Variants in LATS1 observed in about 807,000 individuals in gnomAD.
LATS1 encodes serine/threonine-protein kinase LATS1.
In LATS1, 25 loss-of-function variants were observed where a neutral mutation model predicts 106.6. That is an observed-to-expected ratio of 0.23 (90% confidence interval 0.17 to 0.33). The LOEUF is 0.33. Among genes scored for constraint, LATS1 ranks in the 10% least tolerant of loss-of-function variants. The pLI, the probability that LATS1 is intolerant of heterozygous loss-of-function variation, is 1.00. For missense variants in LATS1, 1,040 were observed against 1,382.6 expected (o/e 0.75, Z 3.93); for synonymous variants, 465 against 455.6 (o/e 1.02, Z -0.26).
intron 5 of LATS1, 145 bp from the exon 6 acceptor site, chr6:149,676,882 G>T: frequency 1.5e-6 from 1 of 671,798 alleles, no homozygotes; most frequent in South Asian, 2.3e-5. Context: ...AATCACTGAT[G>T]GTGTTTATTA....
In LATS1 at chr6:149,661,960, T is replaced by C; in HGVS notation, c.3162A>G (p.Glu1054=). ...CATTGAGAGTGTCATTTACATTTTC[T>C]TCCTCGTTATCATCACTCCATAATT... ...PDKLWSDDNE[E]ENVNDTLNGW... is the part of the protein sequence containing the mutation. Residue 1054 remains glutamate (E), a synonymous_variant, in exon 8 of 8, where the codon GAA becomes GAG. Transcript: ENST00000543571. The C allele has an allele frequency of 5.6e-6, 9 of 1,614,134 alleles. No individual in the cohort carries two copies. The highest frequency in any genetic ancestry group is 6.8e-6 in the Non-Finnish European group (8 of 1,179,992).
chr6:149,689,998 C>A (rs897398179), intron 3 of LATS1, among the ~76,000 whole-genome samples: 3 of 151,542 alleles, frequency 2.0e-5, no homozygotes, highest in Admixed American at 1.3e-4. Flanking sequence ...GACTCTCCTT[C>A]CACTCCCATA....
intron 3 of LATS1, among the ~76,000 whole-genome samples, chr6:149,692,846 G>T (rs1782843901): frequency 6.6e-6 from 1 of 151,804 alleles, no homozygotes; most frequent in South Asian, 2.1e-4. Context: ...AGCTAATTTT[G>T]TATTTTTAGT....
chr6:149,701,897 G>A lies in LATS1; in HGVS notation c.230C>T (p.Ala77Val). 1 of 1,614,112 alleles carries A rather than the reference G, an allele frequency of 6.2e-7. No homozygotes were observed. Among genetic ancestry groups the A allele is most frequent in the Non-Finnish European group, 8.5e-7 (1 of 1,179,980 alleles). ...CAGAGAGTTTCGAATTTCCTGCAAG[G>A]CTTTATGATGCGTCCCAAATTTGGG... ...NPPKFGTHHK[A>V]LQEIRNSLLP... Residue 77 changes from alanine to valine, a missense_variant, in exon 2 of 8, where the codon GCC (alanine) becomes GTC (valine). Transcript: ENST00000543571.
chr6:149,678,155 C>G (rs889371616), intron 5 of LATS1, among the ~76,000 whole-genome samples: 2 of 35,590 alleles, frequency 5.6e-5, no homozygotes, highest in African/African-American at 1.9e-4. Flanking sequence ...CTGGTCTCTA[C>G]TAAAAATCCA....
chr6:149,659,621 T>C lies in LATS1; in HGVS notation c.*2108A>G, dbSNP rs1003070468. On this transcript the variant is annotated 3_prime_UTR_variant, in exon 8 of 8. Coordinates refer to ENST00000543571, the MANE Select transcript of LATS1 (RefSeq NM_004690.4). ...TATCTTCTACTGTATTGCACCTTAG[T>C]CCAAAAGTAAAACAACTAAATGAAA... 6 of 229,778 alleles carry C rather than the reference T, an allele frequency of 2.6e-5. No homozygotes were observed. Among genetic ancestry groups the C allele is most frequent in the East Asian group, 1.2e-4 (2 of 16,132 alleles). 14.2% of individuals were successfully genotyped at this position (229,778 alleles called of 1,614,324 possible). A position where few individuals can be genotyped will look rare whatever the true frequency, so the allele number is the denominator to read the frequency against.
intron 2 of LATS1, among the ~76,000 whole-genome samples, chr6:149,699,646 A>G (rs1038536382): frequency 1.3e-5 from 2 of 152,230 alleles, no homozygotes; most frequent in African/African-American, 4.8e-5. Flanking sequence ...AAGCACAAAC[A>G]TATCTTTGTA....
At chr6:149,699,346 C>G (rs979121523) in intron 2 of LATS1, among the ~76,000 whole-genome samples, 1 of 152,120 alleles carries the variant, frequency 6.6e-6, no homozygotes, top group African/African-American at 2.4e-5. Flanking sequence ...AGCCACCTCA[C>G]AGTCTGGGAA....
chr6:149,663,122 A>G (rs1216738554), intron 7 of LATS1, among the ~76,000 whole-genome samples: 2 of 152,166 alleles, frequency 1.3e-5, no homozygotes, highest in Non-Finnish European at 2.9e-5. Context: ...TCCAAGTACG[A>G]TATTAAATGG....
At chr6:149,699,103 A>C (rs1783288074) in intron 2 of LATS1, among the ~76,000 whole-genome samples, 1 of 152,166 alleles carries the variant, frequency 6.6e-6, no homozygotes, top group African/African-American at 2.4e-5. Flanking sequence ...AGCTAATAAA[A>C]AGAGTAGGTT....
rs1391104498 is a variant in LATS1, at chr6:149,695,167, T to C, written c.403A>G (p.Ile135Val). ...KTNNRSIEAAIEFISKMSYQD... is the reference protein window; with the variant it reads ...KTNNRSIEAAVEFISKMSYQD... ...TAACTCATTTTACTAATGAATTCAA[T>C]TGCTGCTTCTATACTTCTGTTGTTA... is the stretch of plus-strand genomic sequence containing the variant. The change falls in exon 3 of 8, where the codon ATT becomes GTT. Residue 135 changes from isoleucine (I) to valine (V), a missense_variant. By Grantham distance (29) the Ile-to-Val change is conservative. Transcript: ENST00000543571. 13 of 1,611,324 alleles carry C rather than the reference T, an allele frequency of 8.1e-6. No homozygotes were observed. The highest frequency in any genetic ancestry group is 1.1e-5 in the Non-Finnish European group (13 of 1,177,632).
At chr6:149,682,081 C>A (rs1782063908) in intron 4 of LATS1, among the ~76,000 whole-genome samples, 1 of 137,270 alleles carries the variant, frequency 7.3e-6, no homozygotes, top group Non-Finnish European at 1.6e-5. Context: ...CACTGCACTC[C>A]AGCCTGGCGA....
At position 149,683,887 on chromosome 6, in the gene LATS1, G is replaced by A. The variant is rs914634583; in HGVS notation, c.1202C>T (p.Thr401Ile). The A allele has an allele frequency of 3.7e-6, 6 of 1,613,962 alleles. No individual in the cohort carries two copies. Among genetic ancestry groups the A allele is most frequent in the Non-Finnish European group, 5.1e-6 (6 of 1,179,992 alleles). The change falls in exon 4 of 8, where the codon ACA becomes ATA. Residue 401 changes from threonine to isoleucine, a missense_variant. Physicochemically the swap from Thr to Ile is moderately conservative, Grantham distance 89. This residue lies in a region of LATS1 where 624 missense variants were observed against 714.8 expected (regional missense o/e 0.87). Coordinates refer to ENST00000543571, the MANE Select transcript of LATS1 (RefSeq NM_004690.4). The stretch of plus-strand genomic sequence containing the variant: ...CATAGACTGAGGAATACTTCCATTT[G>A]TATATGACGAAGGAGCAGCAGATCC... ...TGGSAAPSSY[T>I]NGSIPQSMMV...
chr6:149,692,225 A>AC (rs1316450800), intron 3 of LATS1, among the ~76,000 whole-genome samples: 1 of 152,164 alleles, frequency 6.6e-6, no homozygotes, highest in Admixed American at 6.5e-5. Context: ...GCCCCTATGG[A>AC]CTTTTCCAGT....
chr6:149,687,158 T>G (rs987313593), intron 3 of LATS1, among the ~76,000 whole-genome samples: 1 of 150,392 alleles, frequency 6.6e-6, no homozygotes, highest in African/African-American at 2.5e-5. Context: ...TGGCATGATC[T>G]CGGCTCAGCG....
rs1277886995 is a variant in LATS1 at position 149,680,101 on chromosome 6, A to G, written c.2367T>C (p.Asp789=). Residue 789 remains aspartate (D), a synonymous_variant, in exon 5 of 8, where the codon GAT becomes GAC. Transcript: ENST00000543571. ...CCATTCTAATTAATAGGCTCATCAT[A>G]TCACCCCCAGGAATGTAGTCCATTA... ...YFVMDYIPGG[D]MMSLLIRMGI... 3.1e-6 allele frequency: 5 copies of G among 1,613,430 alleles called. No individual in the cohort carries two copies. In the Admixed American group the frequency reaches 5.0e-5, roughly 16 times the overall value.
At chr6:149,692,125 A>T (rs1251824933) in intron 3 of LATS1, among the ~76,000 whole-genome samples, 1 of 152,162 alleles carries the variant, frequency 6.6e-6, no homozygotes, top group African/African-American at 2.4e-5. Context: ...CTGAAATACA[A>T]ATCTAATAAT....
At chr6:149,682,902 AAAAT>A (rs1457250398) in intron 4 of LATS1, 173 bp downstream of exon 4, 7 of 590,626 alleles carry the variant, frequency 1.2e-5, no homozygotes, top group African/African-American at 1.9e-5. Flanking sequence ...TTGAAATACT[AAAAT>A]AAAATGCTAC....
chr6:149,686,298 T>C (rs1158964296), intron 3 of LATS1, among the ~76,000 whole-genome samples: 2 of 152,208 alleles, frequency 1.3e-5, no homozygotes, highest in African/African-American at 4.8e-5. Flanking sequence ...AACATTATCA[T>C]TCCGGATAAA....
Sources: allele counts gnomAD v4.1 joint callset (sites outside exome capture counted in the v4.1 genomes callset), GRCh38; gene constraint gnomAD v4.1.1; regional missense constraint gnomAD v4.1.1; transcripts MANE v1.5; gene names NCBI Gene and HGNC (gene_info 2026-07-23, HGNC 2026-07-21).